Variants in ASCC3 observed in about 807,000 individuals in gnomAD.
ASCC3 encodes the protein activating signal cointegrator 1 complex subunit 3, also known as ASC-1 complex subunit P200.
ASCC3 carries 158 observed loss-of-function variants against 256.3 expected under a neutral mutation model. The ratio of observed to expected loss-of-function variants is 0.62; its 90% CI spans 0.54 to 0.70. ASCC3 has a LOEUF of 0.70. Among genes scored for constraint, ASCC3 ranks in the 30% least tolerant of loss-of-function variants. ASCC3 has a pLI of 0.00. For missense variants in ASCC3, 2,259 were observed against 2,626.0 expected (o/e 0.86, Z 3.05); for synonymous variants, 948 against 883.4 (o/e 1.07, Z -1.30).
At chr6:100,539,170 C>T (rs919671409) in intron 37 of ASCC3, among the ~76,000 whole-genome samples, 10 of 152,128 alleles carry the variant, frequency 6.6e-5, no homozygotes, top group Non-Finnish European at 1.5e-5. Context: ...CTCAAACCAC[C>T]ATCATTTATT....
At chr6:100,854,545 ATAG>A (rs1445523553) in intron 3 of ASCC3, among the ~76,000 whole-genome samples, 1 of 152,208 alleles carries the variant, frequency 6.6e-6, no homozygotes, top group Admixed American at 6.5e-5. Context: ...TTAGAAAAAA[ATAG>A]TAGTAGTACA....
chr6:100,664,819 A>C (rs115749904), intron 14 of ASCC3, among the ~76,000 whole-genome samples: 2,289 of 152,288 alleles, frequency 0.015, 53 homozygotes, highest in African/African-American at 0.052. Flanking sequence ...CACTTACTTC[A>C]TTTCTTTTCT....
chr6:100,794,750 T>A (rs985919581), intron 8 of ASCC3, among the ~76,000 whole-genome samples: 4 of 152,064 alleles, frequency 2.6e-5, no homozygotes, highest in Non-Finnish European at 5.9e-5. Context: ...ATTATATGCA[T>A]CTTTTATATT....
chr6:100,655,642 T>C, intron 17 of ASCC3, 57 bp downstream of exon 17: 1 of 1,570,564 alleles, frequency 6.4e-7, no homozygotes, highest in Non-Finnish European at 8.7e-7. Flanking sequence ...TATCCTCATA[T>C]CATGAAAGAA....
chr6:100,638,520 C>A lies in ASCC3; in HGVS notation c.4122+81G>T, dbSNP rs980110460. On this transcript the variant is annotated intron_variant, in intron 25 of 41. Coordinates refer to ENST00000369162, the MANE Select transcript of ASCC3 (RefSeq NM_006828.4). ...TGACAAATCTATTCATTAGACCCTGCCAATATATTTAGAACTGTCTAGTTT... is the reference window on the plus strand; with the variant it reads ...TGACAAATCTATTCATTAGACCCTGACAATATATTTAGAACTGTCTAGTTT... The A allele has an allele frequency of 3.3e-6, 4 of 1,195,800 alleles. No individual in the cohort carries two copies. In the Admixed American group the frequency reaches 5.9e-5, roughly 18 times the overall value. 74.1% of individuals were successfully genotyped at this position (1,195,800 alleles called of 1,614,324 possible).
At chr6:100,856,283 C>A in intron 3 of ASCC3, 1 of 553,354 alleles carries the variant, frequency 1.8e-6, no homozygotes, top group Non-Finnish European at 2.3e-6. Flanking sequence ...AAATAGGTAA[C>A]ACAAATATAA....
intron 18 of ASCC3, 107 bp from the exon 19 acceptor site, chr6:100,651,753 C>A: frequency 2.2e-6 from 1 of 460,658 alleles, no homozygotes. Flanking sequence ...GAGCCCTAGA[C>A]AGTGCAGTTA....
In ASCC3 at chr6:100,864,093, T is replaced by G. The variant is rs775751636; in HGVS notation, c.212A>C (p.Lys71Thr). The part of the protein sequence containing the change: ...SKMQSINEDL[K>T]DILHAAKQIV... ...CTGCTTTGCAGCATGTAATATATCTTTTAAGTCTTCATTTATACTTTGCAT... is the reference window on the plus strand; with the variant it reads ...CTGCTTTGCAGCATGTAATATATCTGTTAAGTCTTCATTTATACTTTGCAT... Residue 71 changes from lysine to threonine, a missense_variant, in exon 3 of 42, where the codon AAA (lysine) becomes ACA (threonine). Physicochemically the swap from Lys to Thr is moderately conservative, Grantham distance 78 (BLOSUM62 -1). This residue lies in a region of ASCC3 where 420 missense variants were observed against 419.3 expected (regional missense o/e 1.00). Coordinates refer to ENST00000369162, the MANE Select transcript of ASCC3 (RefSeq NM_006828.4). The G allele has an allele frequency of 2.5e-6, 4 of 1,593,552 alleles. No individual in the cohort carries two copies. Among genetic ancestry groups the G allele is most frequent in the Non-Finnish European group, 2.6e-6 (3 of 1,166,532 alleles).
intron 11 of ASCC3, 148 bp from the exon 12 acceptor site, chr6:100,718,399 T>C (rs1018876864): frequency 9.9e-6 from 6 of 607,486 alleles, no homozygotes; most frequent in Non-Finnish European, 1.4e-5. Context: ...TCAGACATTG[T>C]AGCCCATAAT....
intron 10 of ASCC3, among the ~76,000 whole-genome samples, chr6:100,757,656 T>C (rs1781242982): frequency 6.6e-6 from 1 of 152,156 alleles, no homozygotes; most frequent in Non-Finnish European, 1.5e-5. Context: ...TGTAGAAATC[T>C]TTCATCTTAT....
intron 25 of ASCC3, among the ~76,000 whole-genome samples, chr6:100,637,742 T>C (rs1035297579): frequency 1.3e-5 from 2 of 151,944 alleles, no homozygotes; most frequent in East Asian, 3.9e-4. Flanking sequence ...AAGACCTCAA[T>C]AGGGAAAGGC....
intron 13 of ASCC3, among the ~76,000 whole-genome samples, chr6:100,684,600 A>G (rs1777467145): frequency 1.3e-5 from 2 of 151,222 alleles, no homozygotes; most frequent in Non-Finnish European, 2.9e-5. Flanking sequence ...ACAGACCAGT[A>G]TACCACTGTT....
At chr6:100,700,244 G>A (rs75693253) in intron 13 of ASCC3, among the ~76,000 whole-genome samples, 2,311 of 152,216 alleles carry the variant, frequency 0.015, 61 homozygotes, top group African/African-American at 0.054. Flanking sequence ...AGCTGCTCCA[G>A]CTATGGCCCC....
chr6:100,820,300 A>G (rs983785287), intron 4 of ASCC3, among the ~76,000 whole-genome samples: 1 of 149,176 alleles, frequency 6.7e-6, no homozygotes, highest in African/African-American at 2.4e-5. Context: ...TACACAGACA[A>G]ATCAACAGAA....
intron 4 of ASCC3, among the ~76,000 whole-genome samples, chr6:100,838,895 T>C (rs569156946): frequency 2.1e-4 from 32 of 152,238 alleles, no homozygotes; most frequent in Admixed American, 6.5e-4. Context: ...TTAAAATTTA[T>C]GTATTAAATC....
chr6:100,735,456 A>AT (rs10549867), intron 10 of ASCC3, among the ~76,000 whole-genome samples: 6 of 151,024 alleles, frequency 4.0e-5, no homozygotes, highest in African/African-American at 1.5e-4. Context: ...TTAACATCTT[A>AT]TTTTTTTTTT....
In ASCC3 at chr6:100,518,018, A is replaced by G. The variant is rs146657972; in HGVS notation, c.5900T>C (p.Ile1967Thr). 2 of 1,613,496 alleles carry G rather than the reference A, an allele frequency of 1.2e-6. No homozygotes were observed. The highest frequency in any genetic ancestry group is 2.2e-5 in the South Asian group (2 of 91,066). Residue 1967 changes from isoleucine to threonine, a missense_variant, in exon 38 of 42, where the codon ATA (isoleucine) becomes ACA (threonine). Transcript: ENST00000369162. ...GAAAAGGTGAAGATGATGGTTTTCT[A>G]TGTTTGGTAGTGTAAGAAGAGAAGA... ...KDSSLLTLPN[I>T]ENHHLHLFKK...
chr6:100,531,172 A>G, intron 37 of ASCC3: 1 of 666,132 alleles, frequency 1.5e-6, no homozygotes. Context: ...CTGAGGGTTG[A>G]GACAAAACTT....
At chr6:100,818,539 A>G (rs1354609026) in intron 4 of ASCC3, among the ~76,000 whole-genome samples, 2 of 146,906 alleles carry the variant, frequency 1.4e-5, no homozygotes, top group African/African-American at 5.1e-5. Context: ...GCCACTCTCT[A>G]GCCTGGATGA....
Sources: gnomAD v4.1 joint callset for allele counts (sites outside exome capture counted in the v4.1 genomes callset) on GRCh38, gnomAD v4.1.1 for gene constraint, gnomAD v4.1.1 regional missense constraint, MANE v1.5 for transcripts, NCBI Gene and HGNC (gene_info 2026-07-23, HGNC 2026-07-21) for gene names.